Variants in MAP2K1 observed in about 807,000 individuals in gnomAD.
MAP2K1 encodes the protein mitogen-activated protein kinase kinase 1, also known as dual specificity mitogen-activated protein kinase kinase 1.
Under a neutral mutation model 46.3 loss-of-function variants are expected in MAP2K1, and 16 were observed. The observed-to-expected ratio is 0.35, with a 90% CI of 0.23 to 0.52. The LOEUF (loss-of-function observed/expected upper bound fraction) is 0.52. MAP2K1 is among the 20% of genes least tolerant of loss of function. The probability of loss-of-function intolerance (pLI) is 0.94; values close to 1 mark genes in which losing one functional copy is unlikely to be tolerated. For missense variants in MAP2K1, 263 were observed against 497.1 expected, an observed-to-expected ratio of 0.53 and a Z score of 4.48; for synonymous variants, 183 against 185.6, an observed-to-expected ratio of 0.99 and a Z score of 0.11.
intron 3 of MAP2K1, among the ~76,000 whole-genome samples, chr15:66,441,779 A>G (rs1296129378): frequency 6.6e-6 from 1 of 152,086 alleles, no homozygotes; most frequent in Non-Finnish European, 1.5e-5. Flanking sequence ...TAGTTCTTAC[A>G]TATACAGAGG....
chr15:66,466,105 A>G (rs1394236413), intron 5 of MAP2K1, among the ~76,000 whole-genome samples: 1 of 151,584 alleles, frequency 6.6e-6, no homozygotes, highest in Non-Finnish European at 1.5e-5. Flanking sequence ...CTGTGTAGAC[A>G]AGGTATGAGG....
intron 5 of MAP2K1, among the ~76,000 whole-genome samples, chr15:66,461,749 C>T (rs1013336966): frequency 1.3e-5 from 2 of 152,110 alleles, no homozygotes; most frequent in African/African-American, 2.4e-5. Flanking sequence ...TGCTACCCAC[C>T]AAGTGACCTC....
At chr15:66,403,842 A>T (rs1873855525) in intron 1 of MAP2K1, among the ~76,000 whole-genome samples, 1 of 152,182 alleles carries the variant, frequency 6.6e-6, no homozygotes, top group Non-Finnish European at 1.5e-5. Context: ...AGTCAGAATT[A>T]TTTGCCCCCT....
At chr15:66,392,174 A>G (rs968652626) in intron 1 of MAP2K1, among the ~76,000 whole-genome samples, 1 of 148,040 alleles carries the variant, frequency 6.8e-6, no homozygotes, top group African/African-American at 2.5e-5. Flanking sequence ...AGAGCAAATC[A>G]TGTGGCCATG....
rs141755984 is a variant in MAP2K1 at position 66,437,856 on chromosome 15, G to A, written c.438+964G>A. Among the ~76,000 whole-genome samples the A allele has an allele frequency of 2.0e-4, 31 of 152,194 alleles. No individual in the cohort carries two copies. In the South Asian group the frequency reaches 4.4e-3, roughly 21 times the overall value. On this transcript the variant is annotated intron_variant, in intron 3 of 10. Transcript: ENST00000307102. ...TGCACATCTAAAGGTTAGAGAAAGT[G>A]CTTGTTCCTTCTTTCCTCAATGAGA...
chr15:66,431,295 A>AACCC lies in MAP2K1; in HGVS notation c.81-3731_81-3730insCCCA, dbSNP rs549106616. On this transcript the variant is annotated intron_variant, in intron 1 of 10. Coordinates refer to ENST00000307102, the MANE Select transcript of MAP2K1 (RefSeq NM_002755.4). ...TTTGCTTAAAACATTTCACCTTGGA[A>AACCC]AGGCAGAAATTAGCCTTGTTGAACT... is the stretch of plus-strand genomic sequence containing the variant. 2.8e-3 allele frequency among the ~76,000 whole-genome samples: 419 copies of AACCC among 152,282 alleles called. 4 individuals are homozygous for AACCC. The highest frequency in any genetic ancestry group is 9.9e-3 in the African/African-American group (411 of 41,562).
chr15:66,452,295 A>AG (rs1892042467), intron 5 of MAP2K1, among the ~76,000 whole-genome samples: 1 of 17,302 alleles, frequency 5.8e-5, no homozygotes, highest in Non-Finnish European at 1.5e-4. Flanking sequence ...AATAAAAAAA[A>AG]AAAAAAAAGA....
intron 5 of MAP2K1, among the ~76,000 whole-genome samples, chr15:66,465,936 C>A (rs1291432099): frequency 6.6e-6 from 1 of 152,122 alleles, no homozygotes; most frequent in African/African-American, 2.4e-5. Flanking sequence ...AAAGATAAGA[C>A]TTTTTTAAAG....
chr15:66,465,231 A>G (rs2140639788), intron 5 of MAP2K1, among the ~76,000 whole-genome samples: 1 of 152,280 alleles, frequency 6.6e-6, no homozygotes, highest in Middle Eastern at 3.4e-3. Context: ...CACCGAGTTA[A>G]AGAAGGAATG....
chr15:66,470,869 G>A (rs988388812), intron 5 of MAP2K1, among the ~76,000 whole-genome samples: 1 of 152,190 alleles, frequency 6.6e-6, no homozygotes, highest in Non-Finnish European at 1.5e-5. Flanking sequence ...TGTGCCCAAG[G>A]TGGTCCAAGC....
intron 5 of MAP2K1, among the ~76,000 whole-genome samples, chr15:66,455,295 G>A (rs1357637678): frequency 2.0e-5 from 3 of 152,220 alleles, no homozygotes; most frequent in Non-Finnish European, 2.9e-5. Flanking sequence ...TACAAAAATA[G>A]TTTATAACAC....
At chr15:66,490,392 T>C (rs1365064545) in intron 10 of MAP2K1, 110 bp from the exon 11 acceptor site, 3 of 849,414 alleles carry the variant, frequency 3.5e-6, no homozygotes, top group East Asian at 2.4e-5. Flanking sequence ...AGGTGCTCTT[T>C]CCAAGTGCAG....
At chr15:66,473,066 G>C (rs58683685) in intron 5 of MAP2K1, among the ~76,000 whole-genome samples, 1 of 152,136 alleles carries the variant, frequency 6.6e-6, no homozygotes, top group Non-Finnish European at 1.5e-5. Context: ...AAGTTAGCCA[G>C]GTTTGTTCTC....
chr15:66,411,563 T>A (rs955039432), intron 1 of MAP2K1, among the ~76,000 whole-genome samples: 3 of 152,200 alleles, frequency 2.0e-5, no homozygotes, highest in Non-Finnish European at 4.4e-5. Context: ...GTCCTAAGAA[T>A]GCCAATAATA....
chr15:66,403,602 T>A (rs1247788026), intron 1 of MAP2K1, among the ~76,000 whole-genome samples: 1 of 152,184 alleles, frequency 6.6e-6, no homozygotes, highest in Admixed American at 6.5e-5. Context: ...CATTTACTTT[T>A]CAGACAAAGT....
chr15:66,391,591 TCAC>T (rs1035889851), intron 1 of MAP2K1, among the ~76,000 whole-genome samples: 8 of 152,206 alleles, frequency 5.3e-5, no homozygotes, highest in African/African-American at 1.9e-4. Flanking sequence ...TTTTTTTGAC[TCAC>T]CACTCTGTAA....
intron 1 of MAP2K1, among the ~76,000 whole-genome samples, chr15:66,412,302 G>C (rs1433862243): frequency 6.6e-6 from 1 of 152,188 alleles, no homozygotes; most frequent in Non-Finnish European, 1.5e-5. Context: ...AGAATGGGCT[G>C]GACCTGGCTG....
At position 66,481,736 on chromosome 15, in the gene MAP2K1, T is replaced by A. The variant is rs371099866; in HGVS notation, c.569-19T>A. On this transcript the variant is annotated intron_variant, in intron 5 of 10. Coordinates refer to ENST00000307102, the MANE Select transcript of MAP2K1 (RefSeq NM_002755.4). ...TACCTGTGTCAGTTCCCTCCTTTTC[T>A]ATTTTCTCTTCCCTGCAGATGTCAA... 84 of 1,610,946 alleles carry A rather than the reference T, an allele frequency of 5.2e-5. No individual in the cohort carries two copies. The highest frequency in any genetic ancestry group is 6.1e-5 in the Non-Finnish European group (72 of 1,179,192).
At chr15:66,388,948 C>T (rs980365034) in intron 1 of MAP2K1, among the ~76,000 whole-genome samples, 64 of 138,800 alleles carry the variant, frequency 4.6e-4, no homozygotes, top group African/African-American at 1.8e-3. Context: ...CTCTTGTTGC[C>T]CAGGCTGGAG....
Sources: allele counts gnomAD v4.1 joint callset (sites outside exome capture counted in the v4.1 genomes callset), GRCh38; gene constraint gnomAD v4.1.1; transcripts MANE v1.5; gene names NCBI Gene and HGNC (gene_info 2026-07-23, HGNC 2026-07-21).